ZNF302: variants seen among roughly 807,000 people sequenced by gnomAD.
ZNF302 encodes the protein zinc finger protein 327.
Under a neutral mutation model 10.8 loss-of-function variants are expected in ZNF302, and 12 were observed. The ratio of observed to expected loss-of-function variants is 1.11; its 90% CI spans 0.71 to 1.79. The LOEUF is 1.79. ZNF302 is among the 40% of genes most tolerant of loss of function. ZNF302 has a pLI of 0.00. For missense variants in ZNF302, 461 were observed against 471.1 expected (o/e 0.98, Z 0.20); for synonymous variants, 178 against 157.5 (o/e 1.13, Z -0.98).
chr19:34,679,750 G>C, intron 2 of ZNF302: 1 of 643,740 alleles, frequency 1.6e-6, no homozygotes, highest in Non-Finnish European at 2.8e-6. Flanking sequence ...CTGATGTACT[G>C]TATGTTCAGT....
chr19:34,683,689 A>G lies in ZNF302; in HGVS notation c.214+451A>G, dbSNP rs561742464. ...AATAATATTTTCTAATGTTCAAGAA[A>G]AATATGATTCACACAGTTTCTTCAT... is the stretch of plus-strand genomic sequence containing the variant. On this transcript the variant is annotated intron_variant, in intron 4 of 4. Coordinates refer to ENST00000505242, the MANE Select transcript of ZNF302 (RefSeq NM_001289187.2). Among the ~76,000 whole-genome samples, 3 of 152,300 alleles carry G rather than the reference A, an allele frequency of 2.0e-5. No homozygotes were observed. In the South Asian group the frequency reaches 6.2e-4, roughly 32 times the overall value.
Position 34,685,612 on chromosome 19 carries a change from A to G in ZNF302, c.*375A>G, listed in dbSNP as rs965309375. 5.1e-5 allele frequency: 57 copies of G among 1,122,300 alleles called. No individual in the cohort carries two copies. The highest frequency in any genetic ancestry group is 2.2e-4 in the Middle Eastern group (1 of 4,602). The allele number at this position is 1,122,300 out of a possible 1,614,324, so 69.5% of individuals were successfully genotyped here. ...CTTTAGATCATATGAATCCCTATACATGTGAGAAATCTTACAGAAGAGAAG... is the reference window on the plus strand; with the variant it reads ...CTTTAGATCATATGAATCCCTATACGTGTGAGAAATCTTACAGAAGAGAAG... On this transcript the variant is annotated 3_prime_UTR_variant, in exon 5 of 5. Transcript: ENST00000505242.
At chr19:34,681,723 C>T (rs1451403157) in intron 2 of ZNF302, 2 of 152,236 alleles carry the variant, frequency 1.3e-5, no homozygotes, top group Non-Finnish European at 2.9e-5. Context: ...CCACTCACCT[C>T]CTGCTGTGTT....
At chr19:34,677,625 T>A (rs2068024433), upstream of ZNF302, 1 of 152,372 alleles carries the variant, frequency 6.6e-6, no homozygotes, top group Admixed American at 6.5e-5. Flanking sequence ...GGGACATTTG[T>A]ACCGCAGGGG....
In ZNF302 at chr19:34,684,589, C is replaced by T; in HGVS notation, c.552C>T (p.Asn184=). Residue 184 remains asparagine, a synonymous_variant, in exon 5 of 5, where the codon AAC becomes AAT. Coordinates refer to ENST00000505242, the MANE Select transcript of ZNF302 (RefSeq NM_001289187.2). The part of the protein sequence containing the change: ...LNSNKSGAAF[N]QSKSLTLPQT... ...CTAATAAAAGTGGGGCAGCCTTCAACCAGAGCAAATCTCTTACCCTTCCCC... is the reference window on the plus strand; with the variant it reads ...CTAATAAAAGTGGGGCAGCCTTCAATCAGAGCAAATCTCTTACCCTTCCCC... 6.2e-7 allele frequency: 1 copy of T among 1,614,032 alleles called. No individual in the cohort carries two copies. The highest frequency in any genetic ancestry group is 8.5e-7 in the Non-Finnish European group (1 of 1,179,928).
At chr19:34,679,495 C>T (rs1206468459) in intron 2 of ZNF302, among the ~76,000 whole-genome samples, 1 of 152,230 alleles carries the variant, frequency 6.6e-6, no homozygotes, top group African/African-American at 2.4e-5. Flanking sequence ...ATCCCACCTT[C>T]CTTCTCTGCC....
At position 34,685,257 on chromosome 19, in the gene ZNF302, A is replaced by G. The variant is rs755041790; in HGVS notation, c.*20A>G. The G allele has an allele frequency of 1.3e-5, 21 of 1,613,516 alleles. No individual in the cohort carries two copies. The South Asian group carries it at 2.1e-4, about 16-fold the overall frequency. ...GTTTAGAAATGCAGGAAATCCTTCA[A>G]CCAGCTTGAATCACTGAATATGCAT... is the stretch of plus-strand genomic sequence containing the variant. On this transcript the variant is annotated 3_prime_UTR_variant, in exon 5 of 5. Transcript: ENST00000505242.
rs761993701 is a variant in ZNF302, at chr19:34,682,806, C to T, written c.39C>T (p.Phe13=). The change falls in exon 3 of 5, where the codon TTC becomes TTT. Residue 13 remains phenylalanine (F), a synonymous_variant. Transcript: ENST00000505242. The part of the protein sequence containing the change: ...QVTFSDVAID[F]SHEEWACLDS... ...CATTTAGTGATGTGGCTATAGACTTCTCTCATGAAGAGTGGGCATGCCTAG... is the reference window on the plus strand; with the variant it reads ...CATTTAGTGATGTGGCTATAGACTTTTCTCATGAAGAGTGGGCATGCCTAG... 1.9e-6 allele frequency: 3 copies of T among 1,613,604 alleles called. No individual in the cohort carries two copies. The highest frequency in any genetic ancestry group is 1.7e-6 in the Non-Finnish European group (2 of 1,179,684).
upstream of ZNF302, chr19:34,676,295 T>G (rs1227387422): frequency 6.6e-6 from 1 of 152,176 alleles, no homozygotes; most frequent in African/African-American, 2.4e-5. Flanking sequence ...GCTTCACCTC[T>G]CGGTTATATG....
At position 34,684,317 on chromosome 19, in the gene ZNF302, C is replaced by T; in HGVS notation, c.280C>T (p.Pro94Ser). The T allele has an allele frequency of 6.3e-7, 1 of 1,591,362 alleles. No homozygotes were observed. Among genetic ancestry groups the T allele is most frequent in the Non-Finnish European group, 8.5e-7 (1 of 1,172,550 alleles). ...GAAGGATATTTATGATGAAGATTCA[C>T]CCCAACCAGTAACAATGGAAAAAGT... is the stretch of plus-strand genomic sequence containing the variant. ...TKKDIYDEDS[P>S]QPVTMEKVVK... is the part of the protein sequence containing the mutation. The change falls in exon 5 of 5, where the codon CCC (proline) becomes TCC (serine). Residue 94 changes from proline to serine, a missense_variant. Transcript: ENST00000505242.
Position 34,678,820 on chromosome 19 carries a change from C to T in ZNF302, c.9+7C>T, listed in dbSNP as rs1383909998. On this transcript the variant is annotated splice_region_variant and intron_variant, in intron 2 of 4. Coordinates refer to ENST00000505242, the MANE Select transcript of ZNF302 (RefSeq NM_001289187.2). ...TTGCAGAATAATGTCTCAGGTAAGT[C>T]GGTGTGTCCCCAAATCTTCCTGAAA... is the stretch of plus-strand genomic sequence containing the variant. 3.1e-6 allele frequency: 5 copies of T among 1,613,872 alleles called. No homozygotes were observed. Among genetic ancestry groups the T allele is most frequent in the Middle Eastern group, 1.7e-4 (1 of 6,060 alleles).
intron 4 of ZNF302, chr19:34,684,037 T>C (rs967267483): frequency 4.0e-6 from 6 of 1,510,512 alleles, no homozygotes; most frequent in Non-Finnish European, 5.3e-6. Flanking sequence ...TCTGTGAACT[T>C]TGGATTCTCT....
upstream of ZNF302, chr19:34,677,200 A>G (rs1029975342): frequency 2.7e-5 from 4 of 148,968 alleles, no homozygotes; most frequent in African/African-American, 7.4e-5. Flanking sequence ...TGAACAGCAT[A>G]GCGGCAGGGT....
chr19:34,682,618 A>G, intron 2 of ZNF302, 159 bp from the exon 3 acceptor site: 1 of 1,036,822 alleles, frequency 9.6e-7, no homozygotes, highest in Non-Finnish European at 1.4e-6. Flanking sequence ...CCAACTACAT[A>G]ACTGTCCTAT....
chr19:34,683,239 G>A lies in ZNF302; in HGVS notation c.214+1G>A. On this transcript the variant is annotated splice_donor_variant, in intron 4 of 4. Coordinates refer to ENST00000505242, the MANE Select transcript of ZNF302 (RefSeq NM_001289187.2). LOFTEE classifies it high-confidence loss of function. The stretch of plus-strand genomic sequence containing the variant: ...ATGATGGAGAAAAAACTGTCAAAAG[G>A]TATGATTCCACATGAGTCATGGTGA... 1 of 1,613,998 alleles carries A rather than the reference G, an allele frequency of 6.2e-7. No individual in the cohort carries two copies. The highest frequency in any genetic ancestry group is 8.5e-7 in the Non-Finnish European group (1 of 1,179,892).
intron 2 of ZNF302, 47 bp downstream of exon 2, chr19:34,678,860 T>A: frequency 2.5e-6 from 4 of 1,612,230 alleles, no homozygotes; most frequent in Non-Finnish European, 3.4e-6. Flanking sequence ...TTATTAGGCC[T>A]CTGTGTGTTT....
intron 3 of ZNF302, 25 bp from the exon 4 acceptor site, chr19:34,683,130 A>C: frequency 6.2e-7 from 1 of 1,613,856 alleles, no homozygotes; most frequent in East Asian, 2.2e-5. Flanking sequence ...CAGCTTAAAC[A>C]ATTCTATATT....
At chr19:34,682,659 A>G in intron 2 of ZNF302, 118 bp from the exon 3 acceptor site, 1 of 1,475,844 alleles carries the variant, frequency 6.8e-7, no homozygotes, top group African/African-American at 1.4e-5. Flanking sequence ...ATTCCCAGTC[A>G]TTGTCACAGC....
rs751322900 is a variant in ZNF302, at chr19:34,684,262, A to G, written c.225A>G (p.Ser75=). ...CTTGATATATTTCAGATTGGGAATC[A>G]AGATGGGAAAACAAGGAATTATCAA... ...MEKKLSKDWE[S]RWENKELSTK... The change falls in exon 5 of 5, where the codon TCA becomes TCG. Residue 75 remains serine, a synonymous_variant. Transcript: ENST00000505242. 1 of 1,557,538 alleles carries G rather than the reference A, an allele frequency of 6.4e-7. No homozygotes were observed.
Sources: allele counts gnomAD v4.1 joint callset (sites outside exome capture counted in the v4.1 genomes callset), GRCh38; gene constraint gnomAD v4.1.1; transcripts MANE v1.5; gene names NCBI Gene and HGNC (gene_info 2026-07-23, HGNC 2026-07-21).